The following RBM15 variants were observed in gnomAD, a reference collection of about 807,000 sequenced individuals.
The protein encoded by RBM15 is RNA-binding protein 15.
Under a neutral mutation model 62.6 loss-of-function variants are expected in RBM15, and 8 were observed. The ratio of observed to expected loss-of-function variants is 0.13; its 90% CI spans 0.07 to 0.23. The LOEUF is 0.23. Ranked by LOEUF, RBM15 falls within the 10% of genes least tolerant of loss-of-function variation. The pLI, the probability that RBM15 is intolerant of heterozygous loss-of-function variation, is 1.00. For missense variants in RBM15, 1,144 were observed against 1,286.5 expected (o/e 0.89, Z 1.69); for synonymous variants, 606 against 505.7 (o/e 1.20, Z -2.66).
intron 2 of RBM15, 131 bp from the exon 3 acceptor site, chr1:110,346,177 A>G: frequency 1.2e-6 from 1 of 826,224 alleles, no homozygotes. Context: ...GTGCTTTTTG[A>G]AGTTGAGGTG....
rs542532806 is a variant in RBM15 at position 110,343,505 on chromosome 1, C to T, written c.2863+1237C>T. Among the ~76,000 whole-genome samples the T allele has an allele frequency of 1.6e-4, 24 of 146,326 alleles. 1 individual carries two copies. Among genetic ancestry groups the T allele is most frequent in the Non-Finnish European group, 2.7e-4 (18 of 66,806 alleles). On this transcript the variant is annotated intron_variant, in intron 1 of 2. Transcript: ENST00000369784. ...CCGGAATTAATACAGGATCATTTAACTTAGCCTCACAGTTTTTTTTTTTTC... is the reference window on the plus strand; with the variant it reads ...CCGGAATTAATACAGGATCATTTAATTTAGCCTCACAGTTTTTTTTTTTTC...
In RBM15 at chr1:110,342,279, A is replaced by G; in HGVS notation, c.2863+11A>G. On this transcript the variant is annotated intron_variant, in intron 1 of 2. Coordinates refer to ENST00000369784, the MANE Select transcript of RBM15 (RefSeq NM_022768.5). Reference sequence around the variant, plus strand: ...TGATCATTGTCCGTGGTGCGTCCTAAAGTCCATGTGTAACTTGTATTTACT... The same window carrying G: ...TGATCATTGTCCGTGGTGCGTCCTAGAGTCCATGTGTAACTTGTATTTACT... 6.5e-7 allele frequency: 1 copy of G among 1,550,262 alleles called. No homozygotes were observed. The highest frequency in any genetic ancestry group is 8.7e-7 in the Non-Finnish European group (1 of 1,146,776).
chr1:110,342,867 T>A (rs1263838432), intron 1 of RBM15, among the ~76,000 whole-genome samples: 2 of 152,226 alleles, frequency 1.3e-5, no homozygotes. Context: ...TTAACATGCA[T>A]TTTTTAAATC....
intron 2 of RBM15, 147 bp downstream of exon 2, chr1:110,345,796 G>C (rs1660886088): frequency 1.7e-6 from 1 of 594,058 alleles, no homozygotes. Flanking sequence ...GCTGTCTTTG[G>C]TAACATAGAT....
rs1660764282 is a variant in RBM15, at chr1:110,340,186, T to G, written c.781T>G (p.Leu261Val). Residue 261 changes from leucine (L) to valine (V), a missense_variant, in exon 1 of 3, where the codon TTA (leucine) becomes GTA (valine). By Grantham distance (32) the Leu-to-Val change is conservative. Transcript: ENST00000369784. This position sits in a 1 kb window ranked among gnomAD's most constrained non-coding sequence, Gnocchi z 5.8. ...YVSRRRSRSP[L>V]DKDTYPPSAS... is the part of the protein sequence containing the mutation. ...GAGCCGGCGCCGCAGCCGCTCCCCTTTAGACAAAGATACTTATCCTCCATC... is the reference window on the plus strand; with the variant it reads ...GAGCCGGCGCCGCAGCCGCTCCCCTGTAGACAAAGATACTTATCCTCCATC... 6.2e-7 allele frequency: 1 copy of G among 1,614,074 alleles called. No homozygotes were observed. Among genetic ancestry groups the G allele is most frequent in the Non-Finnish European group, 8.5e-7 (1 of 1,179,962 alleles).
rs539424286 is a variant in RBM15, at chr1:110,341,483, G to A, written c.2078G>A (p.Arg693His). ...RYNSDNDRSS[R>H]LLLERPSPIR... ...AACAGCGACAATGATCGATCTTCCC[G>A]TCTTCTCTTGGAAAGGCCCTCTCCA... Residue 693 changes from arginine to histidine, a missense_variant, in exon 1 of 3, where the codon CGT becomes CAT. Physicochemically the swap from Arg to His is conservative, Grantham distance 29. This residue lies in a region of RBM15 where 360 missense variants were observed against 342.9 expected (regional missense o/e 1.05). Coordinates refer to ENST00000369784, the MANE Select transcript of RBM15 (RefSeq NM_022768.5). The surrounding 1 kb of genome is among the most constrained non-coding windows in gnomAD (Gnocchi z 4.5). The A allele has an allele frequency of 3.1e-6, 5 of 1,613,960 alleles. No homozygotes were observed. The Admixed American group carries it at 5.0e-5, about 16-fold the overall frequency.
At chr1:110,342,410 A>G in intron 1 of RBM15, 142 bp downstream of exon 1, 1 of 614,236 alleles carries the variant, frequency 1.6e-6, no homozygotes, top group Non-Finnish European at 2.6e-6. Flanking sequence ...ATTTTTATAA[A>G]CGTCTTTAAA....
chr1:110,340,321 C>A lies in RBM15; in HGVS notation c.916C>A (p.Arg306=). 7 of 1,614,216 alleles carry A rather than the reference C, an allele frequency of 4.3e-6. No homozygotes were observed. The highest frequency in any genetic ancestry group is 5.9e-6 in the Non-Finnish European group (7 of 1,180,036). Residue 306 remains arginine (R), a synonymous_variant, in exon 1 of 3, where the codon CGG becomes AGG. Coordinates refer to ENST00000369784, the MANE Select transcript of RBM15 (RefSeq NM_022768.5). The surrounding 1 kb of genome is among the most constrained non-coding windows in gnomAD (Gnocchi z 5.8). ...GGAALGYRDY[R]LQQLALGRLP... ...CGCTGCTTTGGGATACAGAGACTAC[C>A]GGCTGCAGCAGTTGGCTCTTGGCCG...
At chr1:110,343,406 C>T (rs1210530694) in intron 1 of RBM15, among the ~76,000 whole-genome samples, 2 of 152,114 alleles carry the variant, frequency 1.3e-5, no homozygotes, top group Non-Finnish European at 2.9e-5. Flanking sequence ...TCAATATTCT[C>T]ACTGCTGTCC....
intron 1 of RBM15, among the ~76,000 whole-genome samples, chr1:110,345,074 C>T (rs532219530): frequency 1.3e-5 from 2 of 152,098 alleles, no homozygotes; most frequent in Admixed American, 1.3e-4. Context: ...TTCTGGTGTA[C>T]TTTGACTCTC....
rs530807193 is a variant in RBM15 at position 110,345,042 on chromosome 1, T to A, written c.2864-497T>A. Among the ~76,000 whole-genome samples, 24 of 152,334 alleles carry A rather than the reference T, an allele frequency of 1.6e-4. No homozygotes were observed. In the South Asian group the frequency reaches 5.0e-3, roughly 32 times the overall value. On this transcript the variant is annotated intron_variant, in intron 1 of 2. Coordinates refer to ENST00000369784, the MANE Select transcript of RBM15 (RefSeq NM_022768.5). ...ATTTTGTTGGGATTCCTATAAATAA[T>A]TTTTCACACAAAGTTTTAAATTTCT...
rs565137059 is a variant in RBM15, at chr1:110,339,506, T to C, written c.101T>C (p.Leu34Pro). The C allele has an allele frequency of 9.6e-5, 153 of 1,595,944 alleles. 1 individual carries two copies. The South Asian group carries it at 1.6e-3, about 17-fold the overall frequency. Residue 34 changes from leucine (L) to proline (P), a missense_variant, in exon 1 of 3, where the codon CTC (leucine) becomes CCC (proline). Around this residue, in one of 8 missense-constraint regions of RBM15, gnomAD observed 298 missense variants for 250.0 expected, o/e 1.19. Coordinates refer to ENST00000369784, the MANE Select transcript of RBM15 (RefSeq NM_022768.5). ...AGCGCGGGGCGGCGGGTTACTCAGC[T>C]CCGCGGAGACGACCTCCGACGACCC... is the stretch of plus-strand genomic sequence containing the variant. ...ETSAGRRVTQLRGDDLRRPAT... is the reference protein window; with the variant it reads ...ETSAGRRVTQPRGDDLRRPAT...
At position 110,341,781 on chromosome 1, in the gene RBM15, T is replaced by G. The variant is rs373365083; in HGVS notation, c.2376T>G (p.Leu792=). The part of the protein sequence containing the change: ...PKLCLAWQGM[L]LLKNSNFPSN... The stretch of plus-strand genomic sequence containing the variant: ...TCTGTTTGGCCTGGCAGGGCATGCT[T>G]CTACTGAAGAACAGCAACTTTCCTT... The change falls in exon 1 of 3, where the codon CTT becomes CTG. Residue 792 remains leucine, a synonymous_variant. Coordinates refer to ENST00000369784, the MANE Select transcript of RBM15 (RefSeq NM_022768.5). This position sits in a 1 kb window ranked among gnomAD's most constrained non-coding sequence, Gnocchi z 4.5. 1.2e-4 allele frequency: 195 copies of G among 1,614,022 alleles called. No homozygotes were observed. The highest frequency in any genetic ancestry group is 1.6e-4 in the Non-Finnish European group (191 of 1,180,036).
chr1:110,342,461 G>A (rs369494213), intron 1 of RBM15, 193 bp downstream of exon 1: 22 of 466,970 alleles, frequency 4.7e-5, no homozygotes, highest in East Asian at 2.0e-4. Flanking sequence ...TGTTTGTTTA[G>A]CTATTATTTT....
chr1:110,342,381 G>T (rs745914012), intron 1 of RBM15, 113 bp downstream of exon 1: 3 of 749,882 alleles, frequency 4.0e-6, no homozygotes, highest in South Asian at 3.1e-5. Flanking sequence ...GTTGTTAGTT[G>T]TAGCATTTTC....
In RBM15 at chr1:110,340,729, A is replaced by C; in HGVS notation, c.1324A>C (p.Asn442His). Residue 442 changes from asparagine (N) to histidine (H), a missense_variant, in exon 1 of 3, where the codon AAT (asparagine) becomes CAT (histidine). Transcript: ENST00000369784. The surrounding 1 kb of genome is among the most constrained non-coding windows in gnomAD (Gnocchi z 5.8). ...AATGTCTGGCAAAATTATAATTCGG[A>C]ATCCTATCAAAATTGGTTATGGTAA... The part of the protein sequence containing the change: ...LAMSGKIIIR[N>H]PIKIGYGKAT... 2 of 1,614,116 alleles carry C rather than the reference A, an allele frequency of 1.2e-6. No homozygotes were observed. Among genetic ancestry groups the C allele is most frequent in the Non-Finnish European group, 1.7e-6 (2 of 1,180,024 alleles).
intron 1 of RBM15, among the ~76,000 whole-genome samples, chr1:110,343,351 CAT>C (rs1220301225): frequency 8.5e-5 from 13 of 152,204 alleles, no homozygotes; most frequent in African/African-American, 2.6e-4. Context: ...ACAGTAGTGA[CAT>C]TACATTATTG....
rs780169101 is a variant in RBM15, at chr1:110,345,659, G to A, written c.*40+10G>A. The A allele has an allele frequency of 5.4e-6, 8 of 1,481,546 alleles. No individual in the cohort carries two copies. Among genetic ancestry groups the A allele is most frequent in the East Asian group, 2.3e-5 (1 of 43,034 alleles). The allele number at this position is 1,481,546 out of a possible 1,614,324, so 91.8% of individuals were successfully genotyped here. ...GAGGAAATGATTTCAGGTAACCACA[G>A]TGAAATGTTAAGCTGAATGAAGAGT... On this transcript the variant is annotated intron_variant, in intron 2 of 2. Coordinates refer to ENST00000369784, the MANE Select transcript of RBM15 (RefSeq NM_022768.5).
Position 110,346,532 on chromosome 1 carries a change from T to G in RBM15, c.*265T>G. 1.5e-6 allele frequency: 1 copy of G among 651,226 alleles called. No individual in the cohort carries two copies. The highest frequency in any genetic ancestry group is 2.6e-5 in the East Asian group (1 of 39,138). 40.3% of individuals were successfully genotyped at this position (651,226 alleles called of 1,614,324 possible). ...TGGAAAAAAAATGACCTCTTTGATT[T>G]GTGCTGTGTACACAAGATTTCTGGA... On this transcript the variant is annotated 3_prime_UTR_variant, in exon 3 of 3. Transcript: ENST00000369784.
Sources: gnomAD v4.1 joint callset for allele counts (sites outside exome capture counted in the v4.1 genomes callset) on GRCh38, gnomAD v4.1.1 for gene constraint, gnomAD v4.1.1 regional missense constraint, Gnocchi (gnomAD v3.1) non-coding constraint, MANE v1.5 for transcripts, NCBI Gene and HGNC (gene_info 2026-07-23, HGNC 2026-07-21) for gene names.